Variants in GRM5 observed in about 807,000 individuals in gnomAD.
GRM5 encodes metabotropic glutamate receptor 5.
GRM5 carries 19 observed loss-of-function variants against 83.1 expected under a neutral mutation model. The ratio of observed to expected loss-of-function variants is 0.23; its 90% CI spans 0.16 to 0.34. The LOEUF (loss-of-function observed/expected upper bound fraction) is 0.34, where lower values mean the gene tolerates loss of function less well. Among genes scored for constraint, GRM5 ranks in the 10% least tolerant of loss-of-function variants. The pLI is 1.00. For synonymous variants in GRM5, 675 were observed against 633.6 expected (o/e 1.07, Z -0.98); for missense variants, 1,160 against 1,588.3 (o/e 0.73, Z 4.58).
intron 2 of GRM5, among the ~76,000 whole-genome samples, chr11:88,859,653 T>A (rs186172638): frequency 1.3e-5 from 2 of 152,242 alleles, no homozygotes; most frequent in Admixed American, 1.3e-4. Context: ...TCAAAGCCCA[T>A]GCTCTTTGCC....
intron 3 of GRM5, among the ~76,000 whole-genome samples, chr11:88,782,295 A>C (rs868526519): frequency 6.6e-6 from 1 of 152,174 alleles, no homozygotes; most frequent in African/African-American, 2.4e-5. Flanking sequence ...TAATGGACTT[A>C]CAGTTCCACG....
At chr11:88,994,453 AT>A (rs1940104160) in intron 2 of GRM5, among the ~76,000 whole-genome samples, 1 of 111,704 alleles carries the variant, frequency 9.0e-6, no homozygotes, top group Non-Finnish European at 1.8e-5. Flanking sequence ...GATTATATAT[AT>A]ATATATATAT....
intron 3 of GRM5, among the ~76,000 whole-genome samples, chr11:88,741,238 C>G (rs150859603): frequency 2.2e-4 from 34 of 152,100 alleles, no homozygotes; most frequent in African/African-American, 7.7e-4. Context: ...ATCAGGCAAA[C>G]TACAGAGTAC....
chr11:88,789,586 C>T (rs975214637), intron 3 of GRM5, among the ~76,000 whole-genome samples: 8 of 151,860 alleles, frequency 5.3e-5, no homozygotes, highest in Admixed American at 5.2e-4. Context: ...TTTTATGAAC[C>T]TTATCTTTTA....
At chr11:88,788,393 AG>A (rs1240945376) in intron 3 of GRM5, among the ~76,000 whole-genome samples, 4 of 152,158 alleles carry the variant, frequency 2.6e-5, no homozygotes, top group African/African-American at 9.7e-5. Flanking sequence ...ATAAAGTCAA[AG>A]GAAGCCATGG....
chr11:88,972,375 C>T (rs1939192503), intron 2 of GRM5, among the ~76,000 whole-genome samples: 1 of 152,112 alleles, frequency 6.6e-6, no homozygotes, highest in South Asian at 2.1e-4. Context: ...GCCAGAAGCC[C>T]CTCTCAGGTT....
chr11:88,620,818 T>G (rs1291452410), intron 4 of GRM5, among the ~76,000 whole-genome samples: 1 of 152,200 alleles, frequency 6.6e-6, no homozygotes, highest in Admixed American at 6.5e-5. Context: ...TCATAATATT[T>G]GCAGTGTCTC....
intron 2 of GRM5, among the ~76,000 whole-genome samples, chr11:88,999,755 C>T (rs145577800): frequency 0.035 from 5,230 of 150,488 alleles, 266 homozygotes; most frequent in African/African-American, 0.12. Context: ...CCCGAAGGAT[C>T]ATAAATCATG....
At chr11:89,030,685 T>C (rs1941240942) in intron 2 of GRM5, among the ~76,000 whole-genome samples, 1 of 151,998 alleles carries the variant, frequency 6.6e-6, no homozygotes, top group Non-Finnish European at 1.5e-5. Flanking sequence ...ACAAAGTCCT[T>C]AAGATGGGTT....
chr11:88,891,145 G>A (rs1273464645), intron 2 of GRM5, among the ~76,000 whole-genome samples: 1 of 151,986 alleles, frequency 6.6e-6, no homozygotes, highest in Admixed American at 6.6e-5. Flanking sequence ...TCATCTCATG[G>A]TCAAATTGGT....
chr11:89,052,082 G>A (rs1159074794), intron 1 of GRM5, among the ~76,000 whole-genome samples: 1 of 152,198 alleles, frequency 6.6e-6, no homozygotes, highest in Non-Finnish European at 1.5e-5. Flanking sequence ...GGGTAGACTA[G>A]CACATAAACA....
chr11:88,902,950 CAAAAAAAAAAA>C (rs201996144), intron 2 of GRM5, among the ~76,000 whole-genome samples: 2 of 61,922 alleles, frequency 3.2e-5, no homozygotes, highest in African/African-American at 1.1e-4. Context: ...GACTCCATCT[CAAAAAAAAAAA>C]AAAAAAAAAA....
intron 3 of GRM5, among the ~76,000 whole-genome samples, chr11:88,795,907 A>T (rs1338906065): frequency 6.6e-6 from 1 of 152,192 alleles, no homozygotes; most frequent in Non-Finnish European, 1.5e-5. Context: ...AGCTTTCTTG[A>T]TAAAAAAAGA....
intron 2 of GRM5, among the ~76,000 whole-genome samples, chr11:89,046,612 GAATT>G (rs1391872693): frequency 6.6e-6 from 1 of 152,030 alleles, no homozygotes; most frequent in South Asian, 2.1e-4. Flanking sequence ...CAAACATGTT[GAATT>G]ATTTAAAATT....
chr11:88,671,420 T>C (rs143334667), intron 3 of GRM5, among the ~76,000 whole-genome samples: 466 of 152,298 alleles, frequency 3.1e-3, no homozygotes, highest in African/African-American at 0.011. Flanking sequence ...AAAGTAAACC[T>C]GTCTTTAACT....
At chr11:88,641,875 G>T (rs1419077743) in intron 4 of GRM5, among the ~76,000 whole-genome samples, 1 of 152,182 alleles carries the variant, frequency 6.6e-6, no homozygotes, top group Non-Finnish European at 1.5e-5. Flanking sequence ...TTTTCCAAAT[G>T]AAGGGTGAAA....
chr11:88,663,179 T>C (rs1051633233), intron 3 of GRM5, among the ~76,000 whole-genome samples: 3 of 152,132 alleles, frequency 2.0e-5, no homozygotes, highest in African/African-American at 7.2e-5. Flanking sequence ...GTGTGGTCAG[T>C]ATAGACTGAC....
intron 4 of GRM5, among the ~76,000 whole-genome samples, chr11:88,636,274 G>A (rs150841699): frequency 6.6e-6 from 1 of 152,208 alleles, no homozygotes; most frequent in Admixed American, 6.5e-5. Context: ...CACTTTGGGA[G>A]GCCAAGGTGG....
intron 4 of GRM5, among the ~76,000 whole-genome samples, chr11:88,628,955 C>T (rs540893885): frequency 2.6e-5 from 4 of 152,124 alleles, no homozygotes; most frequent in Admixed American, 6.6e-5. Flanking sequence ...ATTTTTAGAA[C>T]GCAGGCCTCT....
Sources: gnomAD v4.1 joint callset for allele counts (sites outside exome capture counted in the v4.1 genomes callset) on GRCh38, gnomAD v4.1.1 for gene constraint, MANE v1.5 for transcripts, NCBI Gene and HGNC (gene_info 2026-07-23, HGNC 2026-07-21) for gene names.